SPATA13: variants seen among roughly 807,000 people sequenced by gnomAD.
SPATA13 encodes spermatogenesis associated 13, also known as spermatogenesis-associated protein 13.
Under a neutral mutation model 104.0 loss-of-function variants are expected in SPATA13, and 50 were observed. The ratio of observed to expected loss-of-function variants is 0.48; its 90% CI spans 0.38 to 0.61. The LOEUF is 0.61. SPATA13 is among the 20% of genes least tolerant of loss of function. The pLI, the probability that SPATA13 is intolerant of heterozygous loss-of-function variation, is 0.00. For synonymous variants in SPATA13, 606 were observed against 667.5 expected, an observed-to-expected ratio of 0.91 and a Z score of 1.42; for missense variants, 1,524 against 1,690.6, an observed-to-expected ratio of 0.90 and a Z score of 1.73.
chr13:24,259,763 A>G (rs1873968621), intron 4 of SPATA13, among the ~76,000 whole-genome samples: 1 of 152,156 alleles, frequency 6.6e-6, no homozygotes, highest in African/African-American at 2.4e-5. Context: ...GGAAATGTCC[A>G]GGGTGCTCCG....
intron 3 of SPATA13, among the ~76,000 whole-genome samples, chr13:24,148,951 C>T (rs141628760): frequency 6.6e-6 from 1 of 152,272 alleles, no homozygotes; most frequent in Non-Finnish European, 1.5e-5. Flanking sequence ...CCTATGCATG[C>T]CACATGAGAG....
chr13:24,183,455 G>C (rs56704592), intron 1 of SPATA13, among the ~76,000 whole-genome samples: 1 of 152,314 alleles, frequency 6.6e-6, no homozygotes, highest in East Asian at 1.9e-4. Flanking sequence ...TATGTTGTAA[G>C]TTTTCCAAGA....
intron 3 of SPATA13, among the ~76,000 whole-genome samples, chr13:24,107,187 A>G (rs1402421972): frequency 6.7e-6 from 1 of 149,824 alleles, no homozygotes; most frequent in African/African-American, 2.4e-5. Flanking sequence ...AGTGAAATGC[A>G]AGATGATCAC....
chr13:24,176,694 G>C (rs902518735), intron 1 of SPATA13, among the ~76,000 whole-genome samples: 1 of 152,074 alleles, frequency 6.6e-6, no homozygotes, highest in Non-Finnish European at 1.5e-5. Flanking sequence ...AATGGAGCTT[G>C]GTAATTTCTC....
intron 11 of SPATA13, 142 bp downstream of exon 11, chr13:24,297,877 C>G: frequency 1.0e-6 from 1 of 1,000,108 alleles, no homozygotes; most frequent in Non-Finnish European, 1.4e-6. Flanking sequence ...GATCTGCAAA[C>G]CCTAAATACT....
chr13:24,010,462 T>G (rs910623788), intron 2 of SPATA13, among the ~76,000 whole-genome samples: 1 of 151,490 alleles, frequency 6.6e-6, no homozygotes, highest in African/African-American at 2.4e-5. Flanking sequence ...ATGTAGCTTT[T>G]TTTTTTTTTT....
intron 1 of SPATA13, among the ~76,000 whole-genome samples, chr13:24,177,484 A>T (rs1212859925): frequency 6.6e-6 from 1 of 152,004 alleles, no homozygotes; most frequent in Admixed American, 6.6e-5. Context: ...AGGCCTTTTT[A>T]ATTTAATTTT....
chr13:24,183,332 C>T (rs1172001663), intron 1 of SPATA13, among the ~76,000 whole-genome samples: 1 of 152,186 alleles, frequency 6.6e-6, no homozygotes. Flanking sequence ...GTAAAACCAC[C>T]ATCAAACCCA....
chr13:24,105,973 A>T (rs1009997734), intron 3 of SPATA13, among the ~76,000 whole-genome samples: 2 of 152,232 alleles, frequency 1.3e-5, no homozygotes, highest in African/African-American at 4.8e-5. Flanking sequence ...TCCAGCTTCT[A>T]GAACTGTGAG....
intron 3 of SPATA13, among the ~76,000 whole-genome samples, chr13:24,054,681 C>A (rs971315952): frequency 6.6e-6 from 1 of 152,088 alleles, no homozygotes; most frequent in East Asian, 1.9e-4. Context: ...ATAATAGTAG[C>A]GCACCGTTAA....
intron 3 of SPATA13, among the ~76,000 whole-genome samples, chr13:24,043,987 T>C (rs1013200338): frequency 6.6e-6 from 1 of 152,106 alleles, no homozygotes; most frequent in Admixed American, 6.5e-5. Flanking sequence ...AGATGATGGA[T>C]TTACACTGGT....
intron 3 of SPATA13, among the ~76,000 whole-genome samples, chr13:24,130,958 G>T (rs921701573): frequency 6.6e-6 from 1 of 152,204 alleles, no homozygotes; most frequent in African/African-American, 2.4e-5. Context: ...TCTTACACAG[G>T]GGTGGAGCGG....
intron 3 of SPATA13, among the ~76,000 whole-genome samples, chr13:24,082,420 G>A (rs898415883): frequency 6.6e-6 from 1 of 152,172 alleles, no homozygotes; most frequent in Non-Finnish European, 1.5e-5. Flanking sequence ...CACTGATGGA[G>A]AATTCACCTT....
In SPATA13 at chr13:24,116,788, C is replaced by CTGA. The variant is rs371473035; in HGVS notation, c.-112+99090_-112+99092dup. On this transcript the variant is annotated intron_variant, in intron 3 of 14. Transcript: ENST00000424834. ...CTACCAGCCCCCCCCCCCCAATGTG[C>CTGA]TGATGTTTGGAGAAAGGGCCTTTGG... 9.2e-4 allele frequency among the ~76,000 whole-genome samples: 133 copies of CTGA among 144,076 alleles called. 2 individuals carry two copies. In the East Asian group the frequency reaches 0.026, roughly 28 times the overall value. 94.5% of individuals were successfully genotyped at this position (144,076 alleles called of 152,430 possible). A position where few individuals can be genotyped will look rare whatever the true frequency, so the allele number is the denominator to read the frequency against.
intron 4 of SPATA13, chr13:24,278,730 G>GA (rs752799421): frequency 6.9e-6 from 11 of 1,583,936 alleles, no homozygotes; most frequent in Admixed American, 5.4e-5. Flanking sequence ...TTCAACAGGT[G>GA]AAAAAACAAA....
At chr13:24,000,551 C>T (rs553844927) in intron 2 of SPATA13, among the ~76,000 whole-genome samples, 11 of 152,194 alleles carry the variant, frequency 7.2e-5, no homozygotes, top group African/African-American at 2.2e-4. Flanking sequence ...ACCAAGCACA[C>T]GGCAACAACA....
rs1394754213 is a variant in SPATA13, at chr13:24,223,595, G to C, written c.666G>C (p.Ala222=). 6.4e-7 allele frequency: 1 copy of C among 1,550,862 alleles called. No individual in the cohort carries two copies. The change falls in exon 2 of 13, where the codon GCG becomes GCC. Residue 222 remains alanine (A), a synonymous_variant. Coordinates refer to ENST00000382108, the MANE Select transcript of SPATA13 (RefSeq NM_001166271.3). ...TGCTGGATGCGCCCCAGAACCATGC[G>C]ACACCCACGATAGCCACTGGCCAGG... ...ICLLDAPQNH[A]TPTIATGQVP... is the part of the protein sequence containing the mutation.
chr13:24,253,809 G>A (rs1391628496), intron 4 of SPATA13, among the ~76,000 whole-genome samples: 1 of 152,112 alleles, frequency 6.6e-6, no homozygotes, highest in African/African-American at 2.4e-5. Context: ...AAGACAGGCA[G>A]GAAACATGAT....
intron 1 of SPATA13, among the ~76,000 whole-genome samples, chr13:24,195,253 T>C (rs1333429134): frequency 6.6e-6 from 1 of 152,262 alleles, no homozygotes; most frequent in Non-Finnish European, 1.5e-5. Context: ...ATATTTTCAG[T>C]GTGCATTCAT....
Sources: allele counts gnomAD v4.1 joint callset (sites outside exome capture counted in the v4.1 genomes callset), GRCh38; gene constraint gnomAD v4.1.1; transcripts MANE v1.5; gene names NCBI Gene and HGNC (gene_info 2026-07-23, HGNC 2026-07-21).